The following IL1RAPL2 variants were observed in gnomAD, a reference collection of about 807,000 sequenced individuals.
IL1RAPL2 encodes the protein X-linked interleukin-1 receptor accessory protein-like 2.
IL1RAPL2 carries 3 observed loss-of-function variants against 44.1 expected under a neutral mutation model. The ratio of observed to expected loss-of-function variants is 0.07; its 90% CI spans 0.03 to 0.18. The LOEUF is 0.18. Among genes scored for constraint, IL1RAPL2 ranks in the 10% least tolerant of loss-of-function variants. The probability of loss-of-function intolerance (pLI) is 1.00; values close to 1 mark genes in which losing one functional copy is unlikely to be tolerated. For missense variants in IL1RAPL2, 391 were observed against 496.4 expected, an observed-to-expected ratio of 0.79 and a Z score of 2.02; for synonymous variants, 181 against 178.8, an observed-to-expected ratio of 1.01 and a Z score of -0.10.
At chrX:105,110,127 G>C (rs1489996883) in intron 2 of IL1RAPL2, among the ~76,000 whole-genome samples, 1 of 112,053 alleles carries the variant, frequency 8.9e-6, no homozygotes, top group Non-Finnish European at 1.9e-5. Flanking sequence ...TCATTTCAGG[G>C]TTCTTTCCAT....
chrX:104,890,496 G>T (rs922731014), intron 2 of IL1RAPL2, among the ~76,000 whole-genome samples: 3 of 112,057 alleles, frequency 2.7e-5, no homozygotes, highest in African/African-American at 9.7e-5. Flanking sequence ...CATTCTAACT[G>T]GTGTGAGATG....
In IL1RAPL2 at chrX:105,731,719, T is replaced by C. The variant is rs966612339; in HGVS notation, c.903-8827T>C. On this transcript the variant is annotated intron_variant, in intron 7 of 10. Transcript: ENST00000372582. ...GTGAAATAAGCCCTGTACTCACTTATATGTAGGAAGTAAAAAAAATTGATT... is the reference window on the plus strand; with the variant it reads ...GTGAAATAAGCCCTGTACTCACTTACATGTAGGAAGTAAAAAAAATTGATT... Among the ~76,000 whole-genome samples the C allele has an allele frequency of 4.2e-4, 46 of 110,617 alleles. 1 individual carries two copies. Among genetic ancestry groups the C allele is most frequent in the Non-Finnish European group, 4.7e-4 (25 of 52,659 alleles).
chrX:105,747,129 G>A (rs1296143852), intron 8 of IL1RAPL2, among the ~76,000 whole-genome samples: 1 of 110,595 alleles, frequency 9.0e-6, no homozygotes, highest in Non-Finnish European at 1.9e-5. Context: ...GGAAGGTAGT[G>A]GTTCCTGGAG....
chrX:104,908,635 A>T (rs1340669624), intron 2 of IL1RAPL2, among the ~76,000 whole-genome samples: 27 of 111,608 alleles, frequency 2.4e-4, no homozygotes, highest in Admixed American at 3.8e-4. Context: ...ATTGGCCCCC[A>T]CTGTCTTCTG....
chrX:104,653,755 C>T (rs961843836), intron 1 of IL1RAPL2, among the ~76,000 whole-genome samples: 2 of 111,195 alleles, frequency 1.8e-5, no homozygotes, highest in African/African-American at 6.5e-5. Flanking sequence ...AGGCTCTATA[C>T]CTTTAGGTAC....
At chrX:105,149,757 C>T (rs775977790) in intron 2 of IL1RAPL2, among the ~76,000 whole-genome samples, 55 of 110,271 alleles carry the variant, frequency 5.0e-4, no homozygotes, top group Non-Finnish European at 9.5e-4. Flanking sequence ...TTGCTTGAAC[C>T]TGGGAGGCGG....
intron 2 of IL1RAPL2, among the ~76,000 whole-genome samples, chrX:105,031,098 A>T (rs1440728873): frequency 1.8e-5 from 2 of 110,291 alleles, no homozygotes; most frequent in African/African-American, 6.6e-5. Flanking sequence ...GATTTTATAT[A>T]CTGAGACTTT....
rs764844691 is a variant in IL1RAPL2 at position 105,358,206 on chromosome X, G to T, written c.697+90665G>T. 2.6e-3 allele frequency among the ~76,000 whole-genome samples: 293 copies of T among 110,632 alleles called. 1 individual carries two copies. The highest frequency in any genetic ancestry group is 4.6e-3 in the Non-Finnish European group (241 of 52,909). On this transcript the variant is annotated intron_variant, in intron 5 of 10. Coordinates refer to ENST00000372582, the MANE Select transcript of IL1RAPL2 (RefSeq NM_017416.2). ...AATGCAAATTTGCAGGCTTTAGAAA[G>T]ATACCTCTGCTGTTCTCCAGATTTA... is the stretch of plus-strand genomic sequence containing the variant.
At chrX:105,681,091 T>C (rs1257583803) in intron 6 of IL1RAPL2, among the ~76,000 whole-genome samples, 1 of 111,676 alleles carries the variant, frequency 9.0e-6, no homozygotes, top group Admixed American at 9.5e-5. Flanking sequence ...CTCAGTATGA[T>C]ACACGACCTC....
At chrX:104,963,673 T>C (rs1313119886) in intron 2 of IL1RAPL2, among the ~76,000 whole-genome samples, 2 of 111,279 alleles carry the variant, frequency 1.8e-5, no homozygotes, top group Non-Finnish European at 3.8e-5. Flanking sequence ...AACTTTAAGT[T>C]TGGAATACCA....
At chrX:104,667,470 T>C (rs1328894736) in intron 2 of IL1RAPL2, among the ~76,000 whole-genome samples, 6 of 111,370 alleles carry the variant, frequency 5.4e-5, no homozygotes, top group Non-Finnish European at 1.1e-4. Flanking sequence ...TTTACATACA[T>C]TGTCTCCTAA....
rs745654686 is a variant in IL1RAPL2 at position 104,705,711 on chromosome X, C to T, written c.82+46716C>T. ...AGTCAGGTTTCCTGAGACCCGATAG[C>T]CCCAGCTAAACTGGAGGCGAGAGGG... On this transcript the variant is annotated intron_variant, in intron 2 of 10. Transcript: ENST00000372582. Among the ~76,000 whole-genome samples, 5 of 111,422 alleles carry T rather than the reference C, an allele frequency of 4.5e-5. No homozygotes were observed. In the East Asian group the frequency reaches 1.1e-3, roughly 26 times the overall value.
chrX:104,874,677 T>C (rs761199922), intron 2 of IL1RAPL2, among the ~76,000 whole-genome samples: 2 of 111,639 alleles, frequency 1.8e-5, no homozygotes, highest in Non-Finnish European at 3.8e-5. Context: ...ACTGACCAGA[T>C]AATAACCAGA....
intron 2 of IL1RAPL2, among the ~76,000 whole-genome samples, chrX:104,700,121 C>T (rs771089803): frequency 1.3e-3 from 143 of 111,780 alleles, no homozygotes; most frequent in African/African-American, 4.5e-3. Context: ...TGACATTTTT[C>T]AATTAAACAA....
chrX:105,538,277 C>A (rs1328935843), intron 6 of IL1RAPL2, among the ~76,000 whole-genome samples: 2 of 109,878 alleles, frequency 1.8e-5, no homozygotes, highest in African/African-American at 6.6e-5. Flanking sequence ...ACCTCGTGAT[C>A]TGCCCACCTC....
chrX:104,993,699 G>A (rs2030702927), intron 2 of IL1RAPL2, among the ~76,000 whole-genome samples: 1 of 111,226 alleles, frequency 9.0e-6, no homozygotes, highest in Admixed American at 9.6e-5. Flanking sequence ...TGCTTTCATA[G>A]AGAATATCTT....
rs73529904 is a variant in IL1RAPL2 at position 105,125,827 on chromosome X, G to A, written c.83-69648G>A. On this transcript the variant is annotated intron_variant, in intron 2 of 10. Transcript: ENST00000372582. ...TGACTATGGAAATCGAGTAGAGTGG[G>A]TCCTGGAACCAATTCCCCCCGTGTA... Among the ~76,000 whole-genome samples, 312 of 110,295 alleles carry A rather than the reference G, an allele frequency of 2.8e-3. 2 individuals are homozygous for A. The highest frequency in any genetic ancestry group is 9.8e-3 in the African/African-American group (298 of 30,488).
At chrX:105,717,957 T>C (rs1212130012) in intron 7 of IL1RAPL2, among the ~76,000 whole-genome samples, 2 of 112,425 alleles carry the variant, frequency 1.8e-5, no homozygotes, top group East Asian at 5.6e-4. Context: ...CAACATCTAA[T>C]ACTTATCCTG....
At chrX:105,308,154 T>A (rs2034766347) in intron 5 of IL1RAPL2, among the ~76,000 whole-genome samples, 1 of 111,113 alleles carries the variant, frequency 9.0e-6, no homozygotes, top group Non-Finnish European at 1.9e-5. Context: ...CTGAAAACAT[T>A]CTAGTCTTTC....
Sources: gnomAD v4.1 joint callset for allele counts (sites outside exome capture counted in the v4.1 genomes callset) on GRCh38, gnomAD v4.1.1 for gene constraint, MANE v1.5 for transcripts, NCBI Gene and HGNC (gene_info 2026-07-23, HGNC 2026-07-21) for gene names.